The following AGAP1 variants were observed in gnomAD, a reference collection of about 807,000 sequenced individuals.
The protein encoded by AGAP1 is arf-GAP with GTPase, ANK repeat and PH domain-containing protein 1.
AGAP1 carries 29 observed loss-of-function variants against 105.3 expected under a neutral mutation model. The ratio of observed to expected loss-of-function variants is 0.28; its 90% CI spans 0.21 to 0.38. The LOEUF (loss-of-function observed/expected upper bound fraction) is 0.38. Ranked by LOEUF, AGAP1 falls within the 10% of genes least tolerant of loss-of-function variation. The pLI is 1.00. For synonymous variants in AGAP1, 509 were observed against 485.9 expected (o/e 1.05, Z -0.63); for missense variants, 998 against 1,165.1 (o/e 0.86, Z 2.09).
rs1944071208 is a variant in AGAP1, at chr2:235,559,237, T to G, written c.163+64388T>G. Among the ~76,000 whole-genome samples the G allele has an allele frequency of 6.6e-6, 1 of 152,194 alleles. No homozygotes were observed. The highest frequency in any genetic ancestry group is 1.5e-5 in the Non-Finnish European group (1 of 68,034). ...CTGCCACCACAGTTGGCTTGAAGAT[T>G]TTTTAGAAACTTGCCAGCTTAGTCT... On this transcript the variant is annotated intron_variant, in intron 1 of 17. Coordinates refer to ENST00000304032, the MANE Select transcript of AGAP1 (RefSeq NM_001037131.3). The surrounding 1 kb of genome is among the most constrained non-coding windows in gnomAD (Gnocchi z 5.7).
chr2:235,965,336 A>G lies in AGAP1; in HGVS notation c.1484-3126A>G, dbSNP rs1001617356. ...ACGTAGGGAGGAGAGGCAGGAAAAC[A>G]TGGCATCTTGGGCCAGCACAGTTAG... is the stretch of plus-strand genomic sequence containing the variant. On this transcript the variant is annotated intron_variant, in intron 12 of 17. Coordinates refer to ENST00000304032, the MANE Select transcript of AGAP1 (RefSeq NM_001037131.3). This position sits in a 1 kb window ranked among gnomAD's most constrained non-coding sequence, Gnocchi z 5.8. 2.6e-5 allele frequency among the ~76,000 whole-genome samples: 4 copies of G among 152,188 alleles called. No individual in the cohort carries two copies. Among genetic ancestry groups the G allele is most frequent in the African/African-American group, 9.7e-5 (4 of 41,448 alleles).
In AGAP1 at chr2:235,659,916, G is replaced by T. The variant is rs759533301; in HGVS notation, c.164-49263G>T. 4.6e-5 allele frequency among the ~76,000 whole-genome samples: 7 copies of T among 152,182 alleles called. No individual in the cohort carries two copies. Among genetic ancestry groups the T allele is most frequent in the Non-Finnish European group, 1.0e-4 (7 of 68,034 alleles). ...TCTTTGTGCACAATGGGCCTGGCAT[G>T]GGCCCAGGCTGGTGGGGTGGGCAGG... On this transcript the variant is annotated intron_variant, in intron 1 of 17. Transcript: ENST00000304032. The surrounding 1 kb of genome is among the most constrained non-coding windows in gnomAD (Gnocchi z 5.0).
chr2:236,028,566 T>A lies in AGAP1; in HGVS notation c.1646-7995T>A, dbSNP rs974082080. Among the ~76,000 whole-genome samples the A allele has an allele frequency of 6.6e-5, 10 of 152,358 alleles. No individual in the cohort carries two copies. In the East Asian group the frequency reaches 1.5e-3, roughly 23 times the overall value. On this transcript the variant is annotated intron_variant, in intron 13 of 17. Coordinates refer to ENST00000304032, the MANE Select transcript of AGAP1 (RefSeq NM_001037131.3). ...TTTGCAATTAATATTTTTGTATTCA[T>A]CTTATATCTTGCCCATTTGCCAACT...
At position 235,804,262 on chromosome 2, in the gene AGAP1, T is replaced by C. The variant is rs1957728003; in HGVS notation, c.958-2977T>C. On this transcript the variant is annotated intron_variant, in intron 8 of 17. Coordinates refer to ENST00000304032, the MANE Select transcript of AGAP1 (RefSeq NM_001037131.3). ...TTATACATTACATGGCCTTGTCCAT[T>C]TTCAAGCTTTATAATAACGATGTTA... is the stretch of plus-strand genomic sequence containing the variant. 2.6e-5 allele frequency among the ~76,000 whole-genome samples: 4 copies of C among 152,350 alleles called. No individual in the cohort carries two copies. The South Asian group carries it at 8.3e-4, about 32-fold the overall frequency.
rs1952592251 is a variant in AGAP1 at position 235,741,689 on chromosome 2, T to TTTA, written c.396+650_396+652dup. Among the ~76,000 whole-genome samples, 1 of 151,882 alleles carries TTTA rather than the reference T, an allele frequency of 6.6e-6. No homozygotes were observed. The highest frequency in any genetic ancestry group is 6.5e-5 in the Admixed American group (1 of 15,280). On this transcript the variant is annotated intron_variant, in intron 4 of 17. Coordinates refer to ENST00000304032, the MANE Select transcript of AGAP1 (RefSeq NM_001037131.3). The surrounding 1 kb of genome is among the most constrained non-coding windows in gnomAD (Gnocchi z 4.9). Reference sequence around the variant, plus strand: ...ACAGCATAATTTACCAGTTAAGCACTTTATTATTATTGTTATTATTATTAT... The same window carrying TTTA: ...ACAGCATAATTTACCAGTTAAGCACTTTATTATTATTATTGTTATTATTATTAT...
At chr2:236,115,051 T>A (rs1055079060) in intron 16 of AGAP1, among the ~76,000 whole-genome samples, 2 of 151,994 alleles carry the variant, frequency 1.3e-5, no homozygotes, top group Non-Finnish European at 2.9e-5. Context: ...GCATGAGGAG[T>A]TGCGTGAAGC....
chr2:235,641,812 C>T (rs1947207619), intron 1 of AGAP1, among the ~76,000 whole-genome samples: 1 of 152,164 alleles, frequency 6.6e-6, no homozygotes, highest in Admixed American at 6.5e-5. Context: ...ATTCTGTGTC[C>T]TCTCCAGCCT....
intron 1 of AGAP1, among the ~76,000 whole-genome samples, chr2:235,563,392 C>T (rs756863950): frequency 9.9e-5 from 15 of 152,192 alleles, no homozygotes; most frequent in Non-Finnish European, 1.2e-4. Context: ...CCAGGTGACC[C>T]CCTGAGAAGC....
chr2:235,911,289 G>T (rs745380155), intron 11 of AGAP1, among the ~76,000 whole-genome samples: 5 of 152,130 alleles, frequency 3.3e-5, no homozygotes, highest in Non-Finnish European at 2.9e-5. Context: ...GTAGATGGAG[G>T]CCACACGGAG....
rs115347430 is a variant in AGAP1, at chr2:236,009,814, G to A, written c.1646-26747G>A. Among the ~76,000 whole-genome samples, 2,960 of 152,250 alleles carry A rather than the reference G, an allele frequency of 0.019. 89 individuals carry two copies. Among genetic ancestry groups the A allele is most frequent in the African/African-American group, 0.067 (2,763 of 41,540 alleles). ...CACTTGGACGTCCAACATGGCTGAC[G>A]CGCCTTGGACACACAGCCTCGGCGC... On this transcript the variant is annotated intron_variant, in intron 13 of 17. Transcript: ENST00000304032. The surrounding 1 kb of genome is among the most constrained non-coding windows in gnomAD (Gnocchi z 4.2).
rs1574860313 is a variant in AGAP1, at chr2:235,566,592, T to C, written c.163+71743T>C. On this transcript the variant is annotated intron_variant, in intron 1 of 17. Transcript: ENST00000304032. The surrounding 1 kb of genome is among the most constrained non-coding windows in gnomAD (Gnocchi z 5.2). ...AGGACTAGATGACCAGTGCTGTGAG[T>C]GGGCAGGTCTGTCTCCTGCCTCTCT... 6.1e-6 allele frequency: 6 copies of C among 985,308 alleles called. No homozygotes were observed. The highest frequency in any genetic ancestry group is 3.5e-5 in the African/African-American group (2 of 57,332). 61.0% of individuals were successfully genotyped at this position (985,308 alleles called of 1,614,324 possible). A position where few individuals can be genotyped will look rare whatever the true frequency, so the allele number is the denominator to read the frequency against.
At chr2:236,107,622 T>C (rs1322926364) in intron 16 of AGAP1, among the ~76,000 whole-genome samples, 2 of 152,132 alleles carry the variant, frequency 1.3e-5, no homozygotes, top group Non-Finnish European at 2.9e-5. Context: ...AGGCGAAGGT[T>C]TGGGGACAAG....
intron 17 of AGAP1, among the ~76,000 whole-genome samples, chr2:236,122,667 T>C (rs2059926991): frequency 6.6e-6 from 1 of 150,936 alleles, no homozygotes; most frequent in Non-Finnish European, 1.5e-5. Context: ...GGGCACTGTT[T>C]CTTCCAGTGA....
At chr2:235,955,854 A>T (rs1469941418) in intron 12 of AGAP1, among the ~76,000 whole-genome samples, 1 of 152,154 alleles carries the variant, frequency 6.6e-6, no homozygotes, top group East Asian at 1.9e-4. Context: ...GGCCAGGTGC[A>T]TTCAGGACCC....
At chr2:236,094,788 A>T (rs2059151649) in intron 16 of AGAP1, among the ~76,000 whole-genome samples, 1 of 152,118 alleles carries the variant, frequency 6.6e-6, no homozygotes. Flanking sequence ...CTGGCACAGA[A>T]GATGGGAAAA....
rs1559350850 is a variant in AGAP1 at position 235,686,642 on chromosome 2, TATAGATATATATATATATATA to T, written c.164-22536_164-22516del. 7.6e-3 allele frequency among the ~76,000 whole-genome samples: 342 copies of T among 45,102 alleles called. 11 individuals carry two copies. The highest frequency in any genetic ancestry group is 0.032 in the African/African-American group (284 of 8,882). 29.6% of individuals were successfully genotyped at this position (45,102 alleles called of 152,430 possible). On this transcript the variant is annotated intron_variant, in intron 1 of 17. Coordinates refer to ENST00000304032, the MANE Select transcript of AGAP1 (RefSeq NM_001037131.3). ...ATAGATATATATATATATATATATA[TATAGATATATATATATATATA>T]TATTTTTTTTTTTTTTTAGACAGAG...
At chr2:235,603,232 TGCC>T (rs201659455) in intron 1 of AGAP1, among the ~76,000 whole-genome samples, 3,663 of 151,386 alleles carry the variant, frequency 0.024, 63 homozygotes, top group Non-Finnish European at 0.029. Context: ...CTCTCTTGCC[TGCC>T]GCCATGTAAG....
intron 13 of AGAP1, among the ~76,000 whole-genome samples, chr2:236,024,783 C>A (rs1458935292): frequency 3.3e-5 from 5 of 152,186 alleles, no homozygotes; most frequent in African/African-American, 1.2e-4. Context: ...AAACTGGACA[C>A]AATTAGTGTA....
intron 16 of AGAP1, chr2:236,072,328 C>T (rs1432058138): frequency 6.6e-6 from 1 of 152,160 alleles, no homozygotes; most frequent in Non-Finnish European, 1.5e-5. Context: ...GTAGTCCCAG[C>T]TACTCTGGAG....
Sources: allele counts gnomAD v4.1 joint callset (sites outside exome capture counted in the v4.1 genomes callset), GRCh38; gene constraint gnomAD v4.1.1; non-coding constraint Gnocchi (gnomAD v3.1); transcripts MANE v1.5; gene names NCBI Gene and HGNC (gene_info 2026-07-23, HGNC 2026-07-21).